Variants in SPATA16 observed in about 807,000 individuals in gnomAD.
SPATA16 encodes the protein spermatogenesis-associated protein 16.
A neutral mutation model predicts 63.3 loss-of-function variants in SPATA16; 36 were observed. That is an observed-to-expected ratio of 0.57 (90% CI 0.44 to 0.75). The LOEUF (loss-of-function observed/expected upper bound fraction) is 0.75, where lower values mean the gene tolerates loss of function less well. SPATA16 is among the 30% of genes least tolerant of loss of function. The pLI is 0.00. For missense variants in SPATA16, 646 were observed against 679.3 expected (o/e 0.95, Z 0.54); for synonymous variants, 203 against 216.7 (o/e 0.94, Z 0.56).
intron 5 of SPATA16, among the ~76,000 whole-genome samples, chr3:172,965,507 G>A (rs1733896880): frequency 6.6e-6 from 1 of 152,062 alleles, no homozygotes; most frequent in South Asian, 2.1e-4. Flanking sequence ...CTAGTAAGAG[G>A]GATGACTGTG....
chr3:173,045,070 G>C (rs187168459), intron 3 of SPATA16, among the ~76,000 whole-genome samples: 1 of 152,192 alleles, frequency 6.6e-6, no homozygotes, highest in African/African-American at 2.4e-5. Flanking sequence ...AATTTCTGCT[G>C]TATGGAATCT....
chr3:173,027,239 T>C (rs926076063), intron 3 of SPATA16, among the ~76,000 whole-genome samples: 1 of 151,968 alleles, frequency 6.6e-6, no homozygotes, highest in African/African-American at 2.4e-5. Context: ...AGAAACATAA[T>C]TGATTTTTTA....
intron 2 of SPATA16, among the ~76,000 whole-genome samples, chr3:173,114,653 A>G (rs748495091): frequency 6.6e-6 from 1 of 152,196 alleles, no homozygotes; most frequent in Non-Finnish European, 1.5e-5. Flanking sequence ...AGCCAAACCT[A>G]ACCCTAATGT....
intron 10 of SPATA16, among the ~76,000 whole-genome samples, chr3:172,893,477 A>G (rs1168673141): frequency 6.6e-6 from 1 of 152,196 alleles, no homozygotes; most frequent in Non-Finnish European, 1.5e-5. Flanking sequence ...CCTTGAAGAC[A>G]CTGATTTCAG....
chr3:173,048,491 C>T (rs1473506706), intron 3 of SPATA16, among the ~76,000 whole-genome samples: 1 of 151,984 alleles, frequency 6.6e-6, no homozygotes, highest in African/African-American at 2.4e-5. Flanking sequence ...AAAAGTATTT[C>T]ATACCTTTGG....
chr3:173,065,830 G>A (rs1014717428), intron 2 of SPATA16, among the ~76,000 whole-genome samples: 8 of 151,668 alleles, frequency 5.3e-5, no homozygotes, highest in Admixed American at 3.3e-4. Context: ...CCCTGACCCA[G>A]TATGAGGAGC....
intron 3 of SPATA16, among the ~76,000 whole-genome samples, chr3:173,020,294 G>GAA (rs111446577): frequency 2.3e-5 from 3 of 131,044 alleles, no homozygotes; most frequent in East Asian, 2.3e-4. Context: ...CTTCGTCTCA[G>GAA]AAAAAAAAAA....
intron 4 of SPATA16, among the ~76,000 whole-genome samples, chr3:172,991,028 T>TGA (rs1734564273): frequency 1.3e-5 from 2 of 152,110 alleles, no homozygotes; most frequent in Non-Finnish European, 2.9e-5. Flanking sequence ...CTCCATTCTC[T>TGA]TGTCATGACT....
chr3:173,006,860 G>T (rs1734956770), intron 4 of SPATA16, among the ~76,000 whole-genome samples: 1 of 151,896 alleles, frequency 6.6e-6, no homozygotes, highest in African/African-American at 2.4e-5. Context: ...AAAAAAGAAA[G>T]AAATAAGCTG....
At chr3:172,925,851 G>A (rs950362136) in intron 6 of SPATA16, among the ~76,000 whole-genome samples, 17 of 151,966 alleles carry the variant, frequency 1.1e-4, no homozygotes, top group African/African-American at 3.1e-4. Flanking sequence ...TTTAGATGGA[G>A]TCTTGCTCTT....
intron 4 of SPATA16, among the ~76,000 whole-genome samples, chr3:172,981,651 C>A (rs1479027802): frequency 2.0e-5 from 3 of 152,174 alleles, no homozygotes; most frequent in Admixed American, 6.5e-5. Flanking sequence ...TGAGAACTAC[C>A]CTGACCAGAT....
intron 2 of SPATA16, among the ~76,000 whole-genome samples, chr3:173,112,865 G>A (rs560713319): frequency 6.6e-6 from 1 of 152,172 alleles, no homozygotes; most frequent in African/African-American, 2.4e-5. Flanking sequence ...AATCTTAAAG[G>A]ATACATATAG....
At chr3:173,012,072 A>G (rs562429096) in intron 4 of SPATA16, among the ~76,000 whole-genome samples, 1 of 152,282 alleles carries the variant, frequency 6.6e-6, no homozygotes, top group East Asian at 1.9e-4. Flanking sequence ...TGATCCTCCC[A>G]TTTCGGCTTC....
chr3:173,096,635 A>G (rs887599312), intron 2 of SPATA16, among the ~76,000 whole-genome samples: 2 of 152,158 alleles, frequency 1.3e-5, no homozygotes, highest in African/African-American at 4.8e-5. Context: ...AAAGGAAAAT[A>G]GACCTTCTAA....
intron 2 of SPATA16, among the ~76,000 whole-genome samples, chr3:173,113,273 T>A (rs1232240058): frequency 3.9e-5 from 6 of 152,162 alleles, no homozygotes; most frequent in Admixed American, 3.3e-4. Context: ...TAATATGAAT[T>A]TGTGTTTTTA....
chr3:172,925,554 T>A (rs902185583), intron 6 of SPATA16, 62 bp from the exon 7 acceptor site: 2 of 1,604,466 alleles, frequency 1.2e-6, no homozygotes, highest in Non-Finnish European at 1.7e-6. Context: ...TTTAGGGTTT[T>A]CCCCCCCAGA....
intron 4 of SPATA16, among the ~76,000 whole-genome samples, chr3:172,981,447 C>T (rs1322408200): frequency 2.0e-5 from 3 of 152,132 alleles, no homozygotes; most frequent in Non-Finnish European, 4.4e-5. Context: ...CTTCTCTGAC[C>T]TCATTTTCAA....
At chr3:172,918,323 C>T (rs1732541593) in intron 8 of SPATA16, among the ~76,000 whole-genome samples, 1 of 152,168 alleles carries the variant, frequency 6.6e-6, no homozygotes, top group African/African-American at 2.4e-5. Flanking sequence ...TGCTCAGGAA[C>T]ATAATCTGTC....
intron 10 of SPATA16, among the ~76,000 whole-genome samples, chr3:172,912,724 C>A (rs1002950674): frequency 6.6e-6 from 1 of 152,104 alleles, no homozygotes; most frequent in African/African-American, 2.4e-5. Flanking sequence ...TACATATATA[C>A]AATACGTGTG....
Sources: allele counts gnomAD v4.1 joint callset (sites outside exome capture counted in the v4.1 genomes callset), GRCh38; gene constraint gnomAD v4.1.1; transcripts MANE v1.5; gene names NCBI Gene and HGNC (gene_info 2026-07-23, HGNC 2026-07-21).